The following FAM111B variants were observed in gnomAD, a reference collection of about 807,000 sequenced individuals.
FAM111B encodes the protein serine protease FAM111B.
A neutral mutation model predicts 2.8 loss-of-function variants in FAM111B; 1 was observed. That is an observed-to-expected ratio of 0.36 (90% confidence interval 0.13 to 1.70). The LOEUF (loss-of-function observed/expected upper bound fraction) is 1.70, where lower values mean the gene tolerates loss of function less well. Among genes scored for constraint, FAM111B ranks in the 40% most tolerant of loss-of-function variants. The pLI is 0.35. For synonymous variants in FAM111B, 297 were observed against 295.6 expected (o/e 1.00, Z -0.05); for missense variants, 882 against 878.9 (o/e 1.00, Z -0.04).
intron 3 of FAM111B, among the ~76,000 whole-genome samples, chr11:59,110,498 CTG>C (rs1859741560): frequency 6.6e-6 from 1 of 152,060 alleles, no homozygotes; most frequent in Non-Finnish European, 1.5e-5. Context: ...GTTAATAACA[CTG>C]TTGTATACTC....
At chr11:59,112,417 A>T (rs1390413535) in intron 3 of FAM111B, among the ~76,000 whole-genome samples, 1 of 152,176 alleles carries the variant, frequency 6.6e-6, no homozygotes, top group African/African-American at 2.4e-5. Flanking sequence ...CCTTAAGAAC[A>T]TTTGAATTGT....
Position 59,124,447 on chromosome 11 carries a change from T to G in FAM111B, c.350T>G (p.Phe117Cys). Residue 117 changes from phenylalanine to cysteine, a missense_variant, in exon 4 of 4, where the codon TTC becomes TGC. By Grantham distance (205) the Phe-to-Cys change is radical. Transcript: ENST00000343597. ...TCAGCCCTGAGTGCTAATGACTATTTCAGTGAAAGGATAAAGAATCAGTTT... is the reference window on the plus strand; with the variant it reads ...TCAGCCCTGAGTGCTAATGACTATTGCAGTGAAAGGATAAAGAATCAGTTT... ...IYSALSANDY[F>C]SERIKNQFNK... The G allele has an allele frequency of 6.2e-7, 1 of 1,613,622 alleles. No homozygotes were observed.
chr11:59,113,478 CAG>C (rs919390305), intron 3 of FAM111B, among the ~76,000 whole-genome samples: 1 of 152,184 alleles, frequency 6.6e-6, no homozygotes, highest in African/African-American at 2.4e-5. Context: ...GCACAAGTGA[CAG>C]AGGTTAGTCA....
In FAM111B at chr11:59,126,153, T is replaced by A. The variant is rs775194058; in HGVS notation, c.2056T>A (p.Ser686Thr). The A allele has an allele frequency of 2.5e-6, 4 of 1,612,384 alleles. No homozygotes were observed. In the South Asian group the frequency reaches 4.4e-5, roughly 18 times the overall value. The part of the protein sequence containing the change: ...NVHALIEFGY[S>T]MDSILCDIKK... ...GCATGCCCTTATTGAATTTGGTTAT[T>A]CTATGGATTCTATTCTTTGTGATAT... Residue 686 changes from serine to threonine, a missense_variant, in exon 4 of 4, where the codon TCT becomes ACT. Coordinates refer to ENST00000343597, the MANE Select transcript of FAM111B (RefSeq NM_198947.4).
chr11:59,107,760 G>A (rs776202527), intron 1 of FAM111B, among the ~76,000 whole-genome samples: 6 of 152,174 alleles, frequency 3.9e-5, no homozygotes, highest in Non-Finnish European at 7.4e-5. Flanking sequence ...GCTGAGTGTG[G>A]CAGTCTCCTA....
At position 59,125,913 on chromosome 11, in the gene FAM111B, T is replaced by C. The variant is rs1461293294; in HGVS notation, c.1816T>C (p.Cys606Arg). The change falls in exon 4 of 4, where the codon TGT becomes CGT. Residue 606 changes from cysteine (C) to arginine (R), a missense_variant. Physicochemically the swap from Cys to Arg is radical, Grantham distance 180. Coordinates refer to ENST00000343597, the MANE Select transcript of FAM111B (RefSeq NM_198947.4). ...ACGATTGAAAAAATATCCAAACGATTGTCAAGATGGGTTGGTAGATCTCTA... is the reference window on the plus strand; with the variant it reads ...ACGATTGAAAAAATATCCAAACGATCGTCAAGATGGGTTGGTAGATCTCTA... ...NERLKKYPND[C>R]QDGLVDLYDT... The C allele has an allele frequency of 1.9e-6, 3 of 1,613,866 alleles. No individual in the cohort carries two copies.
chr11:59,115,547 G>A (rs1859825807), intron 3 of FAM111B, among the ~76,000 whole-genome samples: 1 of 152,236 alleles, frequency 6.6e-6, no homozygotes, highest in Non-Finnish European at 1.5e-5. Flanking sequence ...TTGAATACAA[G>A]GGAGACAGCA....
At chr11:59,109,876 G>A (rs555653306) in intron 3 of FAM111B, 170 bp downstream of exon 3, 94 of 406,382 alleles carry the variant, frequency 2.3e-4, no homozygotes, top group African/African-American at 1.9e-3. Context: ...AAAGCAAAAT[G>A]ATAGAGTTAA....
rs752785914 is a variant in FAM111B, at chr11:59,124,305, C to T, written c.208C>T (p.Gln70Ter). 2.3e-5 allele frequency: 37 copies of T among 1,613,670 alleles called. No homozygotes were observed. The highest frequency in any genetic ancestry group is 3.1e-5 in the Non-Finnish European group (37 of 1,179,812). ...CAAGCATGAAACAGCCCTTGAAATGCAGAATCCAAATTTGAACAATAAAGA... is the reference window on the plus strand; with the variant it reads ...CAAGCATGAAACAGCCCTTGAAATGTAGAATCCAAATTTGAACAATAAAGA... ...VNKHETALEM[Q>*]NPNLNNKECC... The change falls in exon 4 of 4, where the codon CAG becomes TAG. Residue 70 changes from glutamine (Q) to a stop codon, truncating the protein, a stop_gained. Transcript: ENST00000343597. LOFTEE classifies it low-confidence loss of function (END_TRUNC).
At position 59,124,952 on chromosome 11, in the gene FAM111B, G is replaced by T. The variant is rs775417936; in HGVS notation, c.855G>T (p.Gln285His). ...AAGATATCCATAAAAAAATTAAACAGAATGAAAGTGCCACTGATGAAATTA... is the reference window on the plus strand; with the variant it reads ...AAGATATCCATAAAAAAATTAAACATAATGAAAGTGCCACTGATGAAATTA... The part of the protein sequence containing the change: ...QQKDIHKKIK[Q>H]NESATDEINH... Residue 285 changes from glutamine (Q) to histidine (H), a missense_variant, in exon 4 of 4, where the codon CAG becomes CAT. Gln to His is a conservative substitution (Grantham distance 24). Coordinates refer to ENST00000343597, the MANE Select transcript of FAM111B (RefSeq NM_198947.4). The T allele has an allele frequency of 5.0e-6, 8 of 1,608,082 alleles. No individual in the cohort carries two copies. Among genetic ancestry groups the T allele is most frequent in the African/African-American group, 2.7e-5 (2 of 74,294 alleles).
chr11:59,124,438 A>G lies in FAM111B; in HGVS notation c.341A>G (p.Asn114Ser). The G allele has an allele frequency of 1.2e-6, 2 of 1,613,736 alleles. No homozygotes were observed. Among genetic ancestry groups the G allele is most frequent in the South Asian group, 2.2e-5 (2 of 91,074 alleles). ...AGTATCTACTCAGCCCTGAGTGCTA[A>G]TGACTATTTCAGTGAAAGGATAAAG... The part of the protein sequence containing the change: ...SESIYSALSA[N>S]DYFSERIKNQ... Residue 114 changes from asparagine (N) to serine (S), a missense_variant, in exon 4 of 4, where the codon AAT becomes AGT. Physicochemically the swap from Asn to Ser is conservative, Grantham distance 46. Transcript: ENST00000343597.
intron 3 of FAM111B, among the ~76,000 whole-genome samples, chr11:59,117,471 G>C (rs976221055): frequency 6.6e-6 from 1 of 152,124 alleles, no homozygotes; most frequent in Non-Finnish European, 1.5e-5. Flanking sequence ...TACCCCAAAA[G>C]GTTCCACCCC....
At chr11:59,115,734 T>C (rs1452591109) in intron 3 of FAM111B, among the ~76,000 whole-genome samples, 1 of 152,144 alleles carries the variant, frequency 6.6e-6, no homozygotes, top group Admixed American at 6.5e-5. Context: ...CAAAAAATGG[T>C]GGATAAGCCC....
At position 59,124,342 on chromosome 11, in the gene FAM111B, C is replaced by T. The variant is rs1048352986; in HGVS notation, c.245C>T (p.Thr82Ile). The change falls in exon 4 of 4, where the codon ACC becomes ATC. Residue 82 changes from threonine to isoleucine, a missense_variant. Physicochemically the swap from Thr to Ile is moderately conservative, Grantham distance 89. Coordinates refer to ENST00000343597, the MANE Select transcript of FAM111B (RefSeq NM_198947.4). The part of the protein sequence containing the change: ...PNLNNKECCF[T>I]FTLNGNSRKL... ...TTGAACAATAAAGAATGTTGTTTCA[C>T]CTTTACGTTGAATGGAAACTCCAGA... The T allele has an allele frequency of 1.2e-6, 2 of 1,613,800 alleles. No individual in the cohort carries two copies. The highest frequency in any genetic ancestry group is 1.7e-6 in the Non-Finnish European group (2 of 1,179,824).
intron 3 of FAM111B, among the ~76,000 whole-genome samples, chr11:59,118,830 A>T (rs1287278062): frequency 6.6e-6 from 1 of 152,182 alleles, no homozygotes; most frequent in Non-Finnish European, 1.5e-5. Context: ...TAGAAATTTT[A>T]ATTATTCTAA....
In FAM111B at chr11:59,125,462, A is replaced by G. The variant is rs149356269; in HGVS notation, c.1365A>G (p.Thr455=). The change falls in exon 4 of 4, where the codon ACA becomes ACG. Residue 455 remains threonine (T), a synonymous_variant. Coordinates refer to ENST00000343597, the MANE Select transcript of FAM111B (RefSeq NM_198947.4). ...CAGTTGCAACCTGCGAACAGCTTAC[A>G]TATTATAGCAAGTCAGTTGGGTTCA... The part of the protein sequence containing the change: ...SVSVATCEQL[T]YYSKSVGFMQ... The G allele has an allele frequency of 2.7e-3, 4,330 of 1,614,024 alleles. 132 individuals carry two copies. The South Asian group carries it at 0.045, about 17-fold the overall frequency.
intron 3 of FAM111B, among the ~76,000 whole-genome samples, chr11:59,116,898 C>T (rs182315263): frequency 1.6e-3 from 240 of 152,306 alleles, no homozygotes; most frequent in Non-Finnish European, 2.5e-3. Context: ...AGACTCTGAA[C>T]GTGAGAGGTC....
intron 2 of FAM111B, among the ~76,000 whole-genome samples, chr11:59,109,190 G>A (rs745432575): frequency 5.9e-5 from 9 of 151,952 alleles, no homozygotes; most frequent in South Asian, 4.2e-4. Context: ...CAACAGTTTC[G>A]TTCCACTCAT....
At chr11:59,124,088 A>G (rs1157080030) in intron 3 of FAM111B, 91 bp from the exon 4 acceptor site, 4 of 802,020 alleles carry the variant, frequency 5.0e-6, no homozygotes, top group Non-Finnish European at 7.4e-6. Flanking sequence ...TCTAATTTTT[A>G]TTCATAATAT....
Sources: gnomAD v4.1 joint callset for allele counts (sites outside exome capture counted in the v4.1 genomes callset) on GRCh38, gnomAD v4.1.1 for gene constraint, MANE v1.5 for transcripts, NCBI Gene and HGNC (gene_info 2026-07-23, HGNC 2026-07-21) for gene names.